NLRP8: variants seen among roughly 807,000 people sequenced by gnomAD.
The protein encoded by NLRP8 is NACHT, LRR and PYD domains-containing protein 8.
In NLRP8, 86 loss-of-function variants were observed where a neutral mutation model predicts 88.7. The observed-to-expected ratio is 0.97, with a 90% CI of 0.81 to 1.16. The LOEUF is 1.16. Ranked by LOEUF, NLRP8 falls within the 50% of genes most tolerant of loss-of-function variation. The pLI is 0.00. For synonymous variants in NLRP8, 504 were observed against 494.6 expected (o/e 1.02, Z -0.25); for missense variants, 1,342 against 1,286.5 (o/e 1.04, Z -0.66).
chr19:55,970,749 T>C, intron 6 of NLRP8, 53 bp downstream of exon 6: 1 of 1,607,488 alleles, frequency 6.2e-7, no homozygotes, highest in Non-Finnish European at 8.5e-7. Flanking sequence ...GGTGGTTGTT[T>C]GGTAGATTTA....
chr19:55,968,740 C>CA (rs1568465035), intron 5 of NLRP8, among the ~76,000 whole-genome samples: 1 of 152,010 alleles, frequency 6.6e-6, no homozygotes, highest in Non-Finnish European at 1.5e-5. Context: ...GACTCTGTCT[C>CA]AAAAAATAAA....
At chr19:55,954,473 C>T (rs1408879864) in intron 2 of NLRP8, 28 bp from the exon 3 acceptor site, 2 of 1,602,236 alleles carry the variant, frequency 1.2e-6, no homozygotes, top group Admixed American at 3.4e-5. Context: ...ATGTCATACC[C>T]TTTATTTCTC....
At chr19:55,981,460 G>A (rs1018706164) in intron 9 of NLRP8, among the ~76,000 whole-genome samples, 1 of 152,118 alleles carries the variant, frequency 6.6e-6, no homozygotes, top group African/African-American at 2.4e-5. Flanking sequence ...GAATGTCTTT[G>A]AATATGTCAT....
chr19:55,970,607 C>T lies in NLRP8; in HGVS notation c.2445C>T (p.Asn815=), dbSNP rs111996582. 3.8e-5 allele frequency: 62 copies of T among 1,614,038 alleles called. No homozygotes were observed. The highest frequency in any genetic ancestry group is 2.8e-4 in the African/African-American group (21 of 74,986). Reference sequence around the variant, plus strand: ...ATCTTGGCAATAATCTTCAAGGTAACGGGCATCTAAAGACTCTCATACTAA... The same window carrying T: ...ATCTTGGCAATAATCTTCAAGGTAATGGGCATCTAAAGACTCTCATACTAA... Residue 815 remains asparagine (N), a synonymous_variant, in exon 6 of 10, where the codon AAC becomes AAT. Transcript: ENST00000291971.
intron 9 of NLRP8, among the ~76,000 whole-genome samples, chr19:55,986,024 G>C (rs1394663397): frequency 2.0e-5 from 3 of 151,804 alleles, no homozygotes; most frequent in Non-Finnish European, 1.5e-5. Context: ...TAAATACATG[G>C]GACTTTATCA....
chr19:55,972,034 C>T (rs376221822), intron 6 of NLRP8, among the ~76,000 whole-genome samples: 2 of 151,992 alleles, frequency 1.3e-5, no homozygotes, highest in African/African-American at 2.4e-5. Flanking sequence ...CTTCCTCAGC[C>T]GTCTCCTTGT....
chr19:55,950,850 C>T (rs1172044662), intron 1 of NLRP8, among the ~76,000 whole-genome samples: 2 of 152,136 alleles, frequency 1.3e-5, no homozygotes, highest in Admixed American at 6.5e-5. Context: ...GAGGCCGAGG[C>T]GGGAGGATCA....
chr19:55,962,045 C>G (rs1320632060), intron 3 of NLRP8, 22 bp from the exon 4 acceptor site: 1 of 1,604,174 alleles, frequency 6.2e-7, no homozygotes, highest in Admixed American at 1.7e-5. Flanking sequence ...GAGGTGTTTT[C>G]TCTCTTCTCC....
At chr19:55,963,219 G>T (rs1979692269) in intron 4 of NLRP8, among the ~76,000 whole-genome samples, 1 of 152,084 alleles carries the variant, frequency 6.6e-6, no homozygotes, top group African/African-American at 2.4e-5. Flanking sequence ...TCACCATGTT[G>T]GTCAGGCTAG....
intron 1 of NLRP8, 102 bp from the exon 2 acceptor site, chr19:55,952,436 A>G (rs1979135085): frequency 4.7e-6 from 4 of 848,370 alleles, no homozygotes; most frequent in Non-Finnish European, 8.0e-6. Flanking sequence ...CTCTGAAGCC[A>G]TGTGGCTGCT....
Position 55,955,765 on chromosome 19 carries a change from G to A in NLRP8, c.1707G>A (p.Ser569=), listed in dbSNP as rs141881943. The stretch of plus-strand genomic sequence containing the variant: ...GTTTTCTGAACGAGGCCTGCGCTTC[G>A]GCCGTGGAACAGTCATTCCAATGCA... The change falls in exon 3 of 10, where the codon TCG becomes TCA. Residue 569 remains serine, a synonymous_variant. Coordinates refer to ENST00000291971, the MANE Select transcript of NLRP8 (RefSeq NM_176811.2). 7.4e-6 allele frequency: 12 copies of A among 1,613,966 alleles called. No individual in the cohort carries two copies. The highest frequency in any genetic ancestry group is 6.7e-5 in the East Asian group (3 of 44,894).
chr19:55,964,411 T>C (rs1157053029), intron 4 of NLRP8, among the ~76,000 whole-genome samples: 1 of 152,176 alleles, frequency 6.6e-6, no homozygotes. Context: ...AGTTCTGAAT[T>C]CCATGTTGCA....
chr19:55,952,442 C>T (rs1228268894), intron 1 of NLRP8, 96 bp from the exon 2 acceptor site: 4 of 916,570 alleles, frequency 4.4e-6, no homozygotes, highest in African/African-American at 3.3e-5. Context: ...AGCCATGTGG[C>T]TGCTTCTGTC....
At chr19:55,969,900 C>T (rs1421262419) in intron 5 of NLRP8, among the ~76,000 whole-genome samples, 15 of 152,100 alleles carry the variant, frequency 9.9e-5, no homozygotes, top group Admixed American at 9.8e-4. Flanking sequence ...AAACAGCCCA[C>T]CTTGAGGCCG....
Position 55,987,924 on chromosome 19 carries a change from C to T in NLRP8, c.*11C>T. The T allele has an allele frequency of 6.3e-7, 1 of 1,591,036 alleles. No homozygotes were observed. Among genetic ancestry groups the T allele is most frequent in the Non-Finnish European group, 8.6e-7 (1 of 1,159,088 alleles). On this transcript the variant is annotated 3_prime_UTR_variant, in exon 10 of 10. Transcript: ENST00000291971. ...CAGATTAATCCTTAGGCCGTCCAGTCATCTTTCTCTGGGGCTTGATTGATC... is the reference window on the plus strand; with the variant it reads ...CAGATTAATCCTTAGGCCGTCCAGTTATCTTTCTCTGGGGCTTGATTGATC...
chr19:55,979,437 G>T lies in NLRP8; in HGVS notation c.2920G>T (p.Ala974Ser), dbSNP rs1368535542. 7 of 1,614,164 alleles carry T rather than the reference G, an allele frequency of 4.3e-6. No homozygotes were observed. The highest frequency in any genetic ancestry group is 1.3e-5 in the African/African-American group (1 of 75,068). ...CACCTCCATCTGCTGCCAGGCCATG[G>T]CTTCCATGCTCCGCAAAAACCAACA... The change falls in exon 9 of 10, where the codon GCT (alanine) becomes TCT (serine). Residue 974 changes from alanine (A) to serine (S), a missense_variant. Ala to Ser is a moderately conservative substitution (Grantham distance 99). Transcript: ENST00000291971.
At position 55,955,965 on chromosome 19, in the gene NLRP8, T is replaced by A; in HGVS notation, c.1907T>A (p.Ile636Asn). 6.2e-7 allele frequency: 1 copy of A among 1,614,140 alleles called. No homozygotes were observed. Among genetic ancestry groups the A allele is most frequent in the Non-Finnish European group, 8.5e-7 (1 of 1,180,010 alleles). Residue 636 changes from isoleucine to asparagine, a missense_variant, in exon 3 of 10, where the codon ATT (isoleucine) becomes AAT (asparagine). Ile to Asn is a moderately radical substitution (Grantham distance 149). Transcript: ENST00000291971. ...GATTATCATAAAGTTGTCTTGAGAATTGGCAACAACAAAGAAGTTCAAGTG... is the reference window on the plus strand; with the variant it reads ...GATTATCATAAAGTTGTCTTGAGAAATGGCAACAACAAAGAAGTTCAAGTG...
At chr19:55,969,274 C>T (rs1285786357) in intron 5 of NLRP8, among the ~76,000 whole-genome samples, 1 of 152,202 alleles carries the variant, frequency 6.6e-6, no homozygotes, top group Non-Finnish European at 1.5e-5. Context: ...TTCACCCCAA[C>T]CACAAGTCCC....
At chr19:55,959,638 C>T (rs1440202844) in intron 3 of NLRP8, among the ~76,000 whole-genome samples, 2 of 152,212 alleles carry the variant, frequency 1.3e-5, no homozygotes, top group African/African-American at 4.8e-5. Flanking sequence ...GAGGGTCAGG[C>T]TGCTTATTCT....
Sources: gnomAD v4.1 joint callset for allele counts (sites outside exome capture counted in the v4.1 genomes callset) on GRCh38, gnomAD v4.1.1 for gene constraint, MANE v1.5 for transcripts, NCBI Gene and HGNC (gene_info 2026-07-23, HGNC 2026-07-21) for gene names.